The following GRTP1 variants were observed in gnomAD, a reference collection of about 807,000 sequenced individuals.
GRTP1 encodes growth hormone-regulated TBC protein 1.
GRTP1 carries 56 observed loss-of-function variants against 38.1 expected under a neutral mutation model. The observed-to-expected ratio is 1.47, with a 90% CI of 1.19 to 1.84. The LOEUF (loss-of-function observed/expected upper bound fraction) is 1.84. GRTP1 is among the 40% of genes most tolerant of loss of function. The pLI is 0.00. For missense variants in GRTP1, 506 were observed against 453.9 expected, an observed-to-expected ratio of 1.11 and a Z score of -1.04; for synonymous variants, 217 against 189.5, an observed-to-expected ratio of 1.14 and a Z score of -1.19.
intron 5 of GRTP1, among the ~76,000 whole-genome samples, chr13:113,338,090 A>G (rs527769035): frequency 6.6e-6 from 1 of 152,304 alleles, no homozygotes; most frequent in South Asian, 2.1e-4. Flanking sequence ...GTCTTCCGAG[A>G]CAGGGCCCCC....
At position 113,325,687 on chromosome 13, in the gene GRTP1, C is replaced by T. The variant is rs767543361; in HGVS notation, c.895G>A (p.Val299Met). ...KFKQITKGSFVMECHTFMQKI... is the reference protein window; with the variant it reads ...KFKQITKGSFMMECHTFMQKI... ...TGCATAAACGTGTGACACTCCATCA[C>T]GAAACTCCCTTTGGTTATCTGCTTA... is the stretch of plus-strand genomic sequence containing the variant. The change falls in exon 7 of 8, where the codon GTG (valine) becomes ATG (methionine). Residue 299 changes from valine to methionine, a missense_variant. Val to Met is a conservative substitution (Grantham distance 21). Coordinates refer to ENST00000375431, the MANE Select transcript of GRTP1 (RefSeq NM_024719.4). 3.1e-6 allele frequency: 5 copies of T among 1,614,076 alleles called. 1 individual carries two copies. Among genetic ancestry groups the T allele is most frequent in the South Asian group, 2.2e-5 (2 of 91,092 alleles).
chr13:113,338,770 T>C (rs545774373), intron 5 of GRTP1, among the ~76,000 whole-genome samples: 1 of 152,294 alleles, frequency 6.6e-6, no homozygotes, highest in Non-Finnish European at 1.5e-5. Context: ...AGTCTTTCCA[T>C]TTCCACCTTC....
Position 113,326,025 on chromosome 13 carries a change from GC to G in GRTP1, c.628del (p.Ala210ArgfsTer9). On this transcript the variant is annotated frameshift_variant, in exon 6 of 8. Coordinates refer to ENST00000375431, the MANE Select transcript of GRTP1 (RefSeq NM_024719.4). LOFTEE classifies it high-confidence loss of function. ...DQEVLGELVR[A>X]KLPAVGALME... The stretch of plus-strand genomic sequence containing the variant: ...CAGGGCCCCCACAGCCGGCAGCTTC[GC>G]CCGCACCAGCTCCCCGAGGACCTCC... 6.2e-7 allele frequency: 1 copy of G among 1,612,910 alleles called. No homozygotes were observed.
At chr13:113,362,612 T>TAC (rs1033291896) in intron 2 of GRTP1, among the ~76,000 whole-genome samples, 2 of 152,052 alleles carry the variant, frequency 1.3e-5, no homozygotes, top group African/African-American at 4.8e-5. Context: ...CTCAGAGGGA[T>TAC]ACCCTGTCTC....
In GRTP1 at chr13:113,347,599, C is replaced by T. The variant is rs867723604; in HGVS notation, c.466-2640G>A. Among the ~76,000 whole-genome samples, 116 of 62,348 alleles carry T rather than the reference C, an allele frequency of 1.9e-3. 1 individual carries two copies. Among genetic ancestry groups the T allele is most frequent in the African/African-American group, 6.5e-3 (96 of 14,754 alleles). 40.9% of individuals were successfully genotyped at this position (62,348 alleles called of 152,430 possible). A position where few individuals can be genotyped will look rare whatever the true frequency, so the allele number is the denominator to read the frequency against. ...GAGGACCTCTGTGGCTGAGAACAGA[C>T]CCGGGAGGACCTCTGTGGCTGAGAG... is the stretch of plus-strand genomic sequence containing the variant. On this transcript the variant is annotated intron_variant, in intron 4 of 7. Transcript: ENST00000375431.
chr13:113,329,952 G>A lies in GRTP1; in HGVS notation c.563-3861C>T, dbSNP rs536131828. Among the ~76,000 whole-genome samples the A allele has an allele frequency of 5.2e-5, 8 of 152,388 alleles. No individual in the cohort carries two copies. The South Asian group carries it at 1.0e-3, about 20-fold the overall frequency. The stretch of plus-strand genomic sequence containing the variant: ...GCCCAGGTGGGCAGGGGATGTAGCT[G>A]ATGCAAGTGTGCATGGAAAACCAGG... On this transcript the variant is annotated intron_variant, in intron 5 of 7. Coordinates refer to ENST00000375431, the MANE Select transcript of GRTP1 (RefSeq NM_024719.4).
intron 5 of GRTP1, among the ~76,000 whole-genome samples, chr13:113,334,200 C>T (rs2042921580): frequency 6.6e-6 from 1 of 152,160 alleles, no homozygotes; most frequent in African/African-American, 2.4e-5. Context: ...AGACAGATAA[C>T]ATGAGAAACT....
chr13:113,347,852 G>GCCTGACAGTGGACCC (rs1595500055), intron 4 of GRTP1, among the ~76,000 whole-genome samples: 1 of 149,776 alleles, frequency 6.7e-6, no homozygotes. Flanking sequence ...GGACCTCTGT[G>GCCTGACAGTGGACCC]GCCAAGAACA....
At chr13:113,354,005 G>T (rs1026565090) in intron 3 of GRTP1, among the ~76,000 whole-genome samples, 1 of 152,170 alleles carries the variant, frequency 6.6e-6, no homozygotes, top group East Asian at 1.9e-4. Flanking sequence ...GGTAGGTCAC[G>T]GCTGAAGTGA....
At chr13:113,326,126 C>G in intron 5 of GRTP1, 35 bp from the exon 6 acceptor site, 1 of 1,597,346 alleles carries the variant, frequency 6.3e-7, no homozygotes, top group Non-Finnish European at 8.5e-7. Flanking sequence ...CCCCGAGACA[C>G]TCCCGTCACC....
At position 113,363,832 on chromosome 13, in the gene GRTP1, G is replaced by C. The variant is rs1566447340; in HGVS notation, c.111C>G (p.Val37=). Residue 37 remains valine, a synonymous_variant, in exon 2 of 8, where the codon GTC becomes GTG. Transcript: ENST00000375431. ...ATTTGATCGCCCTGCGGGTGAGCGT[G>C]ACCAGGTAGCTGGAGAAAAACTTCT... ...AYEKFFSSYL[V]TLTRRAIKWS... 2 of 1,612,028 alleles carry C rather than the reference G, an allele frequency of 1.2e-6. No individual in the cohort carries two copies. The highest frequency in any genetic ancestry group is 3.3e-5 in the Admixed American group (2 of 59,978).
intron 3 of GRTP1, among the ~76,000 whole-genome samples, chr13:113,352,459 G>A (rs1251647947): frequency 2.7e-5 from 4 of 148,836 alleles, no homozygotes; most frequent in Admixed American, 6.8e-5. Context: ...CTGCATCCTC[G>A]ACCTCCAGGG....
At chr13:113,346,140 AGACCCGGGAG>A (rs2043114663) in intron 4 of GRTP1, among the ~76,000 whole-genome samples, 1 of 109,544 alleles carries the variant, frequency 9.1e-6, no homozygotes, top group African/African-American at 3.4e-5. Flanking sequence ...GGACAAGAGC[AGACCCGGGAG>A]GACCTCTGTG....
At chr13:113,334,280 A>ACTGCCCCCCCCCCCCCCCCCCCG (rs1202504022) in intron 5 of GRTP1, among the ~76,000 whole-genome samples, 4 of 142,474 alleles carry the variant, frequency 2.8e-5, no homozygotes, top group Admixed American at 7.3e-5. Flanking sequence ...CACTGCCACG[A>ACTGCCCCCCCCCCCCCCCCCCCG]CAGCCTCCCG....
At chr13:113,336,181 G>A (rs916756577) in intron 5 of GRTP1, among the ~76,000 whole-genome samples, 1 of 152,138 alleles carries the variant, frequency 6.6e-6, no homozygotes, top group African/African-American at 2.4e-5. Flanking sequence ...CAGACACCTG[G>A]GTTGATTCTA....
intron 7 of GRTP1, chr13:113,325,219 C>G: frequency 8.7e-7 from 1 of 1,147,072 alleles, no homozygotes; most frequent in Non-Finnish European, 1.1e-6. Flanking sequence ...AGCCTCCACT[C>G]CCTCTTAGGA....
intron 4 of GRTP1, 108 bp downstream of exon 4, chr13:113,350,741 T>A: frequency 9.2e-7 from 1 of 1,086,076 alleles, no homozygotes; most frequent in East Asian, 2.7e-5. Flanking sequence ...GACGTGGAAT[T>A]CATGAACAGG....
At chr13:113,337,497 T>C (rs552871742) in intron 5 of GRTP1, among the ~76,000 whole-genome samples, 30 of 152,222 alleles carry the variant, frequency 2.0e-4, no homozygotes, top group Non-Finnish European at 3.8e-4. Context: ...AATGACTTTT[T>C]TCCCTAATAT....
intron 2 of GRTP1, chr13:113,359,503 C>G (rs540345370): frequency 6.6e-6 from 1 of 152,184 alleles, no homozygotes; most frequent in African/African-American, 2.4e-5. Context: ...GAGGATTGCT[C>G]CTCTAGGCTG....
Sources: allele counts gnomAD v4.1 joint callset (sites outside exome capture counted in the v4.1 genomes callset), GRCh38; gene constraint gnomAD v4.1.1; transcripts MANE v1.5; gene names NCBI Gene and HGNC (gene_info 2026-07-23, HGNC 2026-07-21).